MILR1: variants seen among roughly 807,000 people sequenced by gnomAD.
The protein encoded by MILR1 is mast cell immunoglobulin like receptor 1.
A neutral mutation model predicts 18.5 loss-of-function variants in MILR1; 31 were observed. The ratio of observed to expected loss-of-function variants is 1.68; its 90% CI spans 1.26 to 2.26. MILR1 has a LOEUF of 2.26. MILR1 is among the 30% of genes most tolerant of loss of function. The pLI, the probability that MILR1 is intolerant of heterozygous loss-of-function variation, is 0.00. For synonymous variants in MILR1, 85 were observed against 56.2 expected (o/e 1.51, Z -2.30); for missense variants, 257 against 157.4 (o/e 1.63, Z -3.38).
Position 64,465,491 on chromosome 17 carries a change from A to C in MILR1, c.803A>C (p.Asp268Ala). 1.2e-6 allele frequency: 2 copies of C among 1,611,132 alleles called. No homozygotes were observed. Among genetic ancestry groups the C allele is most frequent in the Non-Finnish European group, 1.7e-6 (2 of 1,178,814 alleles). ...AATAATGTGCCCAGGGACCGTGGAG[A>C]CACAGCCATGGAAGTTGGAATCTAT... ...MRNNVPRDRGDTAMEVGIYAN... is the reference protein window; with the variant it reads ...MRNNVPRDRGATAMEVGIYAN... The change falls in exon 6 of 10, where the codon GAC becomes GCC. Residue 268 changes from aspartate to alanine, a missense_variant. Coordinates refer to ENST00000619286, the MANE Select transcript of MILR1 (RefSeq NM_001085423.2).
the MILR1 span, chr17:64,496,327 T>C: frequency 4.5e-6 from 4 of 891,176 alleles, no homozygotes; most frequent in African/African-American, 3.4e-5. Context: ...ACAGGGCCAG[T>C]TGCAATCCCC....
the MILR1 span, among the ~76,000 whole-genome samples, chr17:64,482,264 C>T: frequency 1.3e-5 from 2 of 150,740 alleles, no homozygotes; most frequent in East Asian, 2.0e-4. Context: ...CCATTATGCT[C>T]GGCTAATTTT....
chr17:64,465,253 G>T (rs540881455), intron 5 of MILR1, among the ~76,000 whole-genome samples, 199 bp from the exon 6 acceptor site: 1 of 152,178 alleles, frequency 6.6e-6, no homozygotes, highest in South Asian at 2.1e-4. Context: ...AAATAAATCA[G>T]AACAGCCCCT....
At chr17:64,464,540 C>T (rs2037506332) in intron 5 of MILR1, among the ~76,000 whole-genome samples, 1 of 152,066 alleles carries the variant, frequency 6.6e-6, no homozygotes, top group African/African-American at 2.4e-5. Flanking sequence ...GCACCCTGGC[C>T]CACATCTCAT....
At chr17:64,465,169 C>T (rs2037524525) in intron 5 of MILR1, among the ~76,000 whole-genome samples, 1 of 152,164 alleles carries the variant, frequency 6.6e-6, no homozygotes, top group South Asian at 2.1e-4. Context: ...TTCTCTTCAG[C>T]GAAGGAAAGA....
chr17:64,465,900 C>A (rs2037546283), intron 6 of MILR1, among the ~76,000 whole-genome samples: 2 of 152,126 alleles, frequency 1.3e-5, no homozygotes, highest in Admixed American at 1.3e-4. Context: ...GCAGGCATTG[C>A]ATATTGCTTT....
intron 3 of MILR1, among the ~76,000 whole-genome samples, chr17:64,457,125 C>G (rs1230471015): frequency 2.0e-5 from 3 of 152,146 alleles, no homozygotes; most frequent in Non-Finnish European, 4.4e-5. Context: ...GAAGGGCAAG[C>G]TTGCACCCCA....
rs960859008 is a variant in MILR1 at position 64,460,111 on chromosome 17, C to T, written c.653-711C>T. ...CACGATCTCGGCTCATTGCAACCTC[C>T]GCCTCCTGGGTTCAAGCGATTCTCA... On this transcript the variant is annotated intron_variant, in intron 4 of 9. Coordinates refer to ENST00000619286, the MANE Select transcript of MILR1 (RefSeq NM_001085423.2). 8.0e-4 allele frequency among the ~76,000 whole-genome samples: 121 copies of T among 151,284 alleles called. 2 individuals carry two copies. The East Asian group carries it at 0.018, about 22-fold the overall frequency.
the MILR1 span, among the ~76,000 whole-genome samples, chr17:64,478,733 C>T: frequency 6.6e-6 from 1 of 151,768 alleles, no homozygotes; most frequent in African/African-American, 2.4e-5. Context: ...CCATCTCTAC[C>T]AAAACTACAA....
At chr17:64,465,341 G>A in intron 5 of MILR1, 111 bp from the exon 6 acceptor site, 1 of 766,746 alleles carries the variant, frequency 1.3e-6, no homozygotes. Context: ...GGCCATTGGA[G>A]CAAGTCACTC....
chr17:64,491,415 C>A, the MILR1 span: 2 of 699,754 alleles, frequency 2.9e-6, no homozygotes, highest in Non-Finnish European at 4.6e-6. Flanking sequence ...GGTAACAGAG[C>A]AAGACTTCAT....
intron 5 of MILR1, among the ~76,000 whole-genome samples, chr17:64,465,080 C>T (rs1389691138): frequency 6.6e-6 from 1 of 152,088 alleles, no homozygotes; most frequent in East Asian, 1.9e-4. Flanking sequence ...GGCGACAGAG[C>T]GAGACTCCAT....
the MILR1 span, among the ~76,000 whole-genome samples, chr17:64,473,947 A>G: frequency 1.3e-5 from 2 of 152,204 alleles, no homozygotes; most frequent in Non-Finnish European, 2.9e-5. Context: ...AAAAGAGGTA[A>G]ATTTATTGTA....
At chr17:64,466,299 A>T in intron 6 of MILR1, 143 bp from the exon 7 acceptor site, 2 of 707,804 alleles carry the variant, frequency 2.8e-6, no homozygotes, top group Non-Finnish European at 5.1e-6. Flanking sequence ...TTGGGTGAGG[A>T]CACAGTCAAA....
At chr17:64,455,871 C>T (rs1467979303) in intron 3 of MILR1, among the ~76,000 whole-genome samples, 5 of 151,802 alleles carry the variant, frequency 3.3e-5, no homozygotes, top group Admixed American at 3.3e-4. Flanking sequence ...GAAACCCTGT[C>T]TGTACTAAAA....
At chr17:64,477,935 T>C in the MILR1 span, 5 of 1,613,924 alleles carry the variant, frequency 3.1e-6, no homozygotes, top group Non-Finnish European at 4.2e-6. Flanking sequence ...TAATCCATTC[T>C]CCAAAGTAGT....
intron 3 of MILR1, among the ~76,000 whole-genome samples, chr17:64,455,832 TAGTTCA>T (rs1222998541): frequency 6.6e-6 from 1 of 151,600 alleles, no homozygotes; most frequent in Non-Finnish European, 1.5e-5. Flanking sequence ...TTGAGGTCAG[TAGTTCA>T]AGACCAGTCT....
chr17:64,464,894 A>C (rs1348293889), intron 5 of MILR1, among the ~76,000 whole-genome samples: 1 of 151,280 alleles, frequency 6.6e-6, no homozygotes, highest in African/African-American at 2.4e-5. Flanking sequence ...ATGGCACTCC[A>C]GCCTGGGCAA....
the MILR1 span, chr17:64,496,415 A>G: frequency 6.4e-7 from 1 of 1,572,924 alleles, no homozygotes; most frequent in Non-Finnish European, 8.7e-7. Context: ...ACCGTGAAGA[A>G]GGTTCTCCCG....
Sources: gnomAD v4.1 joint callset for allele counts (sites outside exome capture counted in the v4.1 genomes callset) on GRCh38, gnomAD v4.1.1 for gene constraint, MANE v1.5 for transcripts, NCBI Gene and HGNC (gene_info 2026-07-23, HGNC 2026-07-21) for gene names.